KAT6A: variants seen among roughly 807,000 people sequenced by gnomAD.
The protein encoded by KAT6A is histone acetyltransferase KAT6A.
In KAT6A, 9 loss-of-function variants were observed where a neutral mutation model predicts 198.4. The observed-to-expected ratio is 0.05, with a 90% CI of 0.03 to 0.08. The LOEUF (loss-of-function observed/expected upper bound fraction) is 0.08. Among genes scored for constraint, KAT6A ranks in the 10% least tolerant of loss-of-function variants. KAT6A has a pLI of 1.00. For synonymous variants in KAT6A, 890 were observed against 883.0 expected (o/e 1.01, Z -0.14); for missense variants, 2,077 against 2,509.9 (o/e 0.83, Z 3.69).
chr8:41,930,249 ACCCACCCCGTC>A lies in KAT6A; in HGVS notation c.*1945_*1955del. ...CTCCTCCCAATATACCTCCCTCCCG[ACCCACCCCGTC>A]CCCACCCCAACCAGGAAGCAATGAC... On this transcript the variant is annotated 3_prime_UTR_variant, in exon 17 of 17. Coordinates refer to ENST00000265713, the MANE Select transcript of KAT6A (RefSeq NM_006766.5). 8.4e-6 allele frequency: 1 copy of A among 118,806 alleles called. No individual in the cohort carries two copies. Among genetic ancestry groups the A allele is most frequent in the Non-Finnish European group, 1.7e-5 (1 of 59,884 alleles). The allele number at this position is 118,806 out of a possible 1,614,324, so 7.4% of individuals were successfully genotyped here.
At chr8:41,969,569 C>T (rs1297132844) in intron 8 of KAT6A, among the ~76,000 whole-genome samples, 2 of 152,180 alleles carry the variant, frequency 1.3e-5, no homozygotes, top group Non-Finnish European at 2.9e-5. Context: ...ATCCTGATCA[C>T]CGGAAAAGCC....
chr8:41,957,277 G>A (rs765019669), intron 8 of KAT6A: 1 of 562,426 alleles, frequency 1.8e-6, no homozygotes, highest in African/African-American at 1.9e-5. Flanking sequence ...TCATGTGTGA[G>A]CCCGCCTCCA....
At chr8:42,002,026 TC>T (rs1455772515) in intron 2 of KAT6A, among the ~76,000 whole-genome samples, 4 of 152,238 alleles carry the variant, frequency 2.6e-5, no homozygotes, top group Non-Finnish European at 5.9e-5. Context: ...TAAAATTCTC[TC>T]CTAATCTTTT....
intron 2 of KAT6A, among the ~76,000 whole-genome samples, chr8:42,027,066 T>C (rs1231633860): frequency 6.6e-6 from 1 of 152,262 alleles, no homozygotes; most frequent in Non-Finnish European, 1.5e-5. Context: ...ATCACATTTA[T>C]TGATTTGCAT....
At chr8:41,942,549 T>C (rs1377915585) in intron 14 of KAT6A, 2 of 482,694 alleles carry the variant, frequency 4.1e-6, no homozygotes, top group Non-Finnish European at 7.3e-6. Flanking sequence ...GTAACAAATA[T>C]TTTTCTCACA....
chr8:41,971,954 C>T (rs1823815398), intron 8 of KAT6A, among the ~76,000 whole-genome samples: 1 of 152,006 alleles, frequency 6.6e-6, no homozygotes, highest in Non-Finnish European at 1.5e-5. Flanking sequence ...GATAGAGCTA[C>T]CATTTACTCT....
chr8:42,045,115 A>G (rs888946420), intron 2 of KAT6A, among the ~76,000 whole-genome samples: 3 of 152,226 alleles, frequency 2.0e-5, no homozygotes, highest in Non-Finnish European at 2.9e-5. Context: ...TTCACTACTG[A>G]AAATAAGACT....
At chr8:42,020,025 T>C (rs1289435690) in intron 2 of KAT6A, among the ~76,000 whole-genome samples, 1 of 152,190 alleles carries the variant, frequency 6.6e-6, no homozygotes, top group Admixed American at 6.5e-5. Context: ...AATGAATCAG[T>C]GATGCAGTGA....
intron 8 of KAT6A, among the ~76,000 whole-genome samples, chr8:41,972,983 C>A (rs1013844694): frequency 6.6e-6 from 1 of 152,208 alleles, no homozygotes; most frequent in Non-Finnish European, 1.5e-5. Context: ...TGAGGGCAAC[C>A]TGCCCAAAGG....
intron 2 of KAT6A, among the ~76,000 whole-genome samples, chr8:41,993,938 T>C (rs1375055850): frequency 6.6e-6 from 1 of 152,122 alleles, no homozygotes; most frequent in Non-Finnish European, 1.5e-5. Flanking sequence ...GAATCTGAAA[T>C]GCACTAAGGT....
chr8:41,979,326 A>G (rs1018174532), intron 5 of KAT6A, among the ~76,000 whole-genome samples: 1 of 152,092 alleles, frequency 6.6e-6, no homozygotes, highest in Non-Finnish European at 1.5e-5. Context: ...AGTTAAACAC[A>G]CAAGAAAGGA....
In KAT6A at chr8:41,929,614, A is replaced by C. The variant is rs563806864; in HGVS notation, c.*2591T>G. On this transcript the variant is annotated 3_prime_UTR_variant, in exon 17 of 17. Transcript: ENST00000265713. ...AGGCCGGCTGGCCCAGGAGCGCGTG[A>C]CATGGAGAGATACAAAGGCATCTAG... 3.6e-5 allele frequency: 7 copies of C among 193,818 alleles called. No individual in the cohort carries two copies. Among genetic ancestry groups the C allele is most frequent in the African/African-American group, 1.2e-4 (5 of 43,250 alleles). The allele number at this position is 193,818 out of a possible 1,614,324, so 12.0% of individuals were successfully genotyped here. A position where few individuals can be genotyped will look rare whatever the true frequency, so the allele number is the denominator to read the frequency against.
intron 2 of KAT6A, among the ~76,000 whole-genome samples, chr8:42,021,052 T>C (rs1160892129): frequency 6.6e-6 from 1 of 152,082 alleles, no homozygotes; most frequent in Admixed American, 6.6e-5. Context: ...TGTTCTTTTA[T>C]TGAGGAAAGA....
At chr8:42,004,856 A>T (rs1231071133) in intron 2 of KAT6A, among the ~76,000 whole-genome samples, 1 of 151,940 alleles carries the variant, frequency 6.6e-6, no homozygotes, top group African/African-American at 2.4e-5. Flanking sequence ...TGAACCTGGG[A>T]GGCAGAGGTT....
intron 8 of KAT6A, among the ~76,000 whole-genome samples, chr8:41,965,580 G>A (rs896473876): frequency 1.7e-4 from 26 of 152,132 alleles, no homozygotes; most frequent in African/African-American, 6.3e-4. Context: ...CAGAGAACCT[G>A]GAAGTCATCT....
intron 3 of KAT6A, among the ~76,000 whole-genome samples, chr8:41,986,421 G>A (rs1824606322): frequency 6.6e-6 from 1 of 152,098 alleles, no homozygotes; most frequent in South Asian, 2.1e-4. Context: ...TTATCATCCT[G>A]GTTCTATTCA....
intron 2 of KAT6A, among the ~76,000 whole-genome samples, chr8:42,017,185 A>C (rs1442958655): frequency 6.6e-6 from 1 of 152,230 alleles, no homozygotes; most frequent in Non-Finnish European, 1.5e-5. Context: ...ACTAATTTAA[A>C]GGGTTACTGA....
At chr8:41,970,562 G>C (rs1280717650) in intron 8 of KAT6A, among the ~76,000 whole-genome samples, 2 of 152,096 alleles carry the variant, frequency 1.3e-5, no homozygotes, top group Non-Finnish European at 2.9e-5. Flanking sequence ...TATATTCCAA[G>C]TACTCAGTAG....
At chr8:42,046,605 ACTGAT>A (rs1189331610) in intron 2 of KAT6A, among the ~76,000 whole-genome samples, 1 of 152,242 alleles carries the variant, frequency 6.6e-6, no homozygotes, top group Non-Finnish European at 1.5e-5. Context: ...ATGGCACTGA[ACTGAT>A]CTAACTATAA....
Sources: gnomAD v4.1 joint callset for allele counts (sites outside exome capture counted in the v4.1 genomes callset) on GRCh38, gnomAD v4.1.1 for gene constraint, MANE v1.5 for transcripts, NCBI Gene and HGNC (gene_info 2026-07-23, HGNC 2026-07-21) for gene names.